The following TSGA10 variants were observed in gnomAD, a reference collection of about 807,000 sequenced individuals.
The protein encoded by TSGA10 is testis-specific gene 10 protein.
TSGA10 carries 43 observed loss-of-function variants against 96.6 expected under a neutral mutation model. The ratio of observed to expected loss-of-function variants is 0.44; its 90% confidence interval spans 0.35 to 0.57. The LOEUF (loss-of-function observed/expected upper bound fraction) is 0.57, where lower values mean the gene tolerates loss of function less well. Among genes scored for constraint, TSGA10 ranks in the 20% least tolerant of loss-of-function variants. TSGA10 has a pLI of 0.01. For synonymous variants in TSGA10, 229 were observed against 269.9 expected (o/e 0.85, Z 1.48); for missense variants, 703 against 834.4 (o/e 0.84, Z 1.94).
chr2:99,073,863 A>T (rs1454797589), intron 12 of TSGA10, among the ~76,000 whole-genome samples: 1 of 152,128 alleles, frequency 6.6e-6, no homozygotes, highest in African/African-American at 2.4e-5. Context: ...GCCCTAAAAA[A>T]GTAAGAAAGT....
At chr2:99,008,204 T>A (rs2078673538) in intron 20 of TSGA10, among the ~76,000 whole-genome samples, 1 of 152,020 alleles carries the variant, frequency 6.6e-6, no homozygotes, top group South Asian at 2.1e-4. Flanking sequence ...AAAATCTGAC[T>A]ACACAAAAAT....
At chr2:99,073,147 G>C (rs1244647896) in intron 12 of TSGA10, 74 bp from the exon 13 acceptor site, 1 of 1,024,648 alleles carries the variant, frequency 9.8e-7, no homozygotes, top group African/African-American at 1.6e-5. Flanking sequence ...TGAACAAAAA[G>C]AAAATTTCCC....
chr2:99,140,545 C>T (rs2093495856), intron 1 of TSGA10, among the ~76,000 whole-genome samples: 1 of 151,976 alleles, frequency 6.6e-6, no homozygotes, highest in African/African-American at 2.4e-5. Flanking sequence ...CCATGATCAC[C>T]TAGTTATCCA....
intron 20 of TSGA10, among the ~76,000 whole-genome samples, chr2:99,006,249 T>C (rs2078459479): frequency 6.6e-6 from 1 of 152,140 alleles, no homozygotes; most frequent in Non-Finnish European, 1.5e-5. Flanking sequence ...ACTTCATGTC[T>C]AAAACACCAA....
At chr2:99,083,305 C>T (rs766366952) in intron 10 of TSGA10, among the ~76,000 whole-genome samples, 1 of 151,994 alleles carries the variant, frequency 6.6e-6, no homozygotes, top group Non-Finnish European at 1.5e-5. Context: ...ACCAGTGGAT[C>T]GTGATAAGTA....
chr2:99,084,535 A>G (rs1209708012), intron 10 of TSGA10, among the ~76,000 whole-genome samples: 1 of 152,148 alleles, frequency 6.6e-6, no homozygotes, highest in African/African-American at 2.4e-5. Context: ...CACCAGAAGC[A>G]AATGCCAGCA....
intron 15 of TSGA10, among the ~76,000 whole-genome samples, chr2:99,066,227 C>T (rs545773953): frequency 6.8e-4 from 103 of 152,278 alleles, no homozygotes; most frequent in African/African-American, 2.4e-3. Context: ...AAGATCTTTG[C>T]CAAGTCTGTG....
chr2:99,083,539 T>G (rs1345290874), intron 10 of TSGA10, among the ~76,000 whole-genome samples: 1 of 152,194 alleles, frequency 6.6e-6, no homozygotes, highest in Non-Finnish European at 1.5e-5. Flanking sequence ...ATGGTCTACC[T>G]TATTTTTAAC....
intron 10 of TSGA10, among the ~76,000 whole-genome samples, chr2:99,094,028 A>G (rs772534710): frequency 3.4e-4 from 51 of 152,078 alleles, no homozygotes; most frequent in Non-Finnish European, 6.0e-4. Context: ...GTTATCAAAA[A>G]AGCATGGTAC....
At chr2:99,152,948 A>T (rs2093707696) in intron 1 of TSGA10, among the ~76,000 whole-genome samples, 1 of 152,244 alleles carries the variant, frequency 6.6e-6, no homozygotes, top group African/African-American at 2.4e-5. Context: ...TGTATACAGA[A>T]ATGGTACTTA....
chr2:99,064,741 C>T (rs897313226), intron 16 of TSGA10, among the ~76,000 whole-genome samples, 198 bp downstream of exon 16: 4 of 152,062 alleles, frequency 2.6e-5, no homozygotes, highest in African/African-American at 9.7e-5. Context: ...TTAACAAATG[C>T]TAATGATTGT....
intron 16 of TSGA10, among the ~76,000 whole-genome samples, chr2:99,045,889 C>A (rs1219605348): frequency 6.6e-6 from 1 of 151,828 alleles, no homozygotes; most frequent in Non-Finnish European, 1.5e-5. Flanking sequence ...GGAGGAGGAG[C>A]AAATGGAAAA....
intron 10 of TSGA10, among the ~76,000 whole-genome samples, chr2:99,092,321 A>T (rs1019354403): frequency 5.3e-5 from 8 of 152,168 alleles, no homozygotes; most frequent in Non-Finnish European, 1.0e-4. Context: ...AAATGCCTAC[A>T]TCAAAAAGTC....
intron 16 of TSGA10, among the ~76,000 whole-genome samples, chr2:99,054,696 A>G (rs1454800861): frequency 1.3e-5 from 2 of 152,240 alleles, no homozygotes; most frequent in African/African-American, 4.8e-5. Flanking sequence ...GAGCCTGAAT[A>G]GACATTTCTC....
intron 17 of TSGA10, among the ~76,000 whole-genome samples, chr2:99,029,358 C>CTCT (rs2105029547): frequency 1.3e-5 from 2 of 151,940 alleles, no homozygotes; most frequent in African/African-American, 4.8e-5. Flanking sequence ...GATAGAAAAT[C>CTCT]AAGACCAGGG....
At chr2:99,113,865 T>C (rs534790910) in intron 4 of TSGA10, among the ~76,000 whole-genome samples, 1 of 152,080 alleles carries the variant, frequency 6.6e-6, no homozygotes. Flanking sequence ...GATAACAATT[T>C]CCTGAGAAAC....
chr2:99,027,907 C>T (rs1387584607), intron 17 of TSGA10, among the ~76,000 whole-genome samples: 1 of 152,138 alleles, frequency 6.6e-6, no homozygotes, highest in Non-Finnish European at 1.5e-5. Context: ...TCTCTAAATA[C>T]TGATCCTCCC....
chr2:99,142,412 A>G (rs2093576962), intron 1 of TSGA10: 3 of 152,224 alleles, frequency 2.0e-5, no homozygotes, highest in African/African-American at 7.2e-5. Flanking sequence ...GTGAGTACTC[A>G]TTTTTCCCCC....
chr2:99,059,562 C>A (rs2084421209), intron 16 of TSGA10, among the ~76,000 whole-genome samples: 1 of 151,700 alleles, frequency 6.6e-6, no homozygotes, highest in Admixed American at 6.6e-5. Flanking sequence ...TTGCTTGAAC[C>A]TGGGAGGCGG....
Sources: allele counts gnomAD v4.1 joint callset (sites outside exome capture counted in the v4.1 genomes callset), GRCh38; gene constraint gnomAD v4.1.1; transcripts MANE v1.5; gene names NCBI Gene and HGNC (gene_info 2026-07-23, HGNC 2026-07-21).